RHOBTB1: variants seen among roughly 807,000 people sequenced by gnomAD.
RHOBTB1 encodes the protein Rho related BTB domain containing 1, also known as rho-related BTB domain-containing protein 1.
RHOBTB1 carries 40 observed loss-of-function variants against 71.6 expected under a neutral mutation model. The observed-to-expected ratio is 0.56, with a 90% CI of 0.43 to 0.73. The LOEUF (loss-of-function observed/expected upper bound fraction) is 0.73, where lower values mean the gene tolerates loss of function less well. RHOBTB1 is among the 30% of genes least tolerant of loss of function. The probability of loss-of-function intolerance (pLI) is 0.00; values close to 1 mark genes in which losing one functional copy is unlikely to be tolerated. For synonymous variants in RHOBTB1, 319 were observed against 334.9 expected (o/e 0.95, Z 0.52); for missense variants, 797 against 894.0 (o/e 0.89, Z 1.38).
intron 2 of RHOBTB1, among the ~76,000 whole-genome samples, chr10:60,921,810 G>C (rs1185411254): frequency 6.6e-6 from 1 of 152,164 alleles, no homozygotes; most frequent in Non-Finnish European, 1.5e-5. Flanking sequence ...GTTGGTGAGA[G>C]AAACACCTTG....
downstream of RHOBTB1, among the ~76,000 whole-genome samples, chr10:60,869,000 AC>A (rs1414078601): frequency 1.3e-5 from 2 of 152,218 alleles, no homozygotes; most frequent in African/African-American, 4.8e-5. Context: ...ACATTGTATT[AC>A]CTAGAAGTCC....
At chr10:60,909,523 C>G (rs2082859679) in intron 4 of RHOBTB1, among the ~76,000 whole-genome samples, 1 of 152,160 alleles carries the variant, frequency 6.6e-6, no homozygotes, top group South Asian at 2.1e-4. Flanking sequence ...TATCCTTACA[C>G]TGCCTAAAGT....
At chr10:60,903,093 C>A (rs1316528800) in intron 4 of RHOBTB1, among the ~76,000 whole-genome samples, 3 of 152,126 alleles carry the variant, frequency 2.0e-5, no homozygotes, top group African/African-American at 7.2e-5. Context: ...CACCTGGATT[C>A]CGAAGGTGAC....
At chr10:60,910,156 A>G (rs989328742) in intron 4 of RHOBTB1, among the ~76,000 whole-genome samples, 3 of 152,178 alleles carry the variant, frequency 2.0e-5, no homozygotes, top group Non-Finnish European at 4.4e-5. Flanking sequence ...GTAAAAAAAA[A>G]GTCTCCATTA....
chr10:61,000,858 G>C (rs1178017007), intron 1 of RHOBTB1, among the ~76,000 whole-genome samples: 2 of 152,084 alleles, frequency 1.3e-5, no homozygotes, highest in Non-Finnish European at 2.9e-5. Context: ...ACAGCCCGGG[G>C]CTTTCACGGC....
At chr10:60,973,371 T>A (rs1034032258) in intron 2 of RHOBTB1, among the ~76,000 whole-genome samples, 2 of 152,062 alleles carry the variant, frequency 1.3e-5, no homozygotes, top group African/African-American at 4.8e-5. Context: ...CAAAACAGCA[T>A]CCAAGAGAGA....
intron 2 of RHOBTB1, among the ~76,000 whole-genome samples, chr10:60,956,596 T>A (rs1589416078): frequency 6.6e-6 from 1 of 152,210 alleles, no homozygotes; most frequent in South Asian, 2.1e-4. Flanking sequence ...ATCTTCTTTA[T>A]ATCCTTATTG....
chr10:60,893,138 CT>C (rs2082003783), intron 4 of RHOBTB1, 143 bp from the exon 5 acceptor site: 1 of 660,878 alleles, frequency 1.5e-6, no homozygotes, highest in African/African-American at 1.8e-5. Flanking sequence ...TAAAAAACAT[CT>C]TGGAGTCATG....
chr10:60,947,399 TA>T (rs1004091233), upstream of RHOBTB1, among the ~76,000 whole-genome samples: 19 of 152,082 alleles, frequency 1.2e-4, no homozygotes, highest in Admixed American at 3.3e-4. Flanking sequence ...GTCATAGGAT[TA>T]AAAAAAATCC....
chr10:60,911,064 C>CA, intron 3 of RHOBTB1, 74 bp from the exon 4 acceptor site: 1 of 1,149,206 alleles, frequency 8.7e-7, no homozygotes, highest in Non-Finnish European at 1.3e-6. Context: ...TTCAAGTCAG[C>CA]ACCCTCAGTG....
intron 2 of RHOBTB1, among the ~76,000 whole-genome samples, chr10:60,914,589 G>A (rs1477431992): frequency 1.3e-5 from 2 of 152,012 alleles, no homozygotes; most frequent in Non-Finnish European, 2.9e-5. Flanking sequence ...TAGTTTTCTG[G>A]TAGGCTTGCA....
intron 1 of RHOBTB1, among the ~76,000 whole-genome samples, chr10:60,993,688 C>A (rs2893873): frequency 3.3e-5 from 5 of 151,538 alleles, no homozygotes; most frequent in African/African-American, 1.2e-4. Flanking sequence ...TTATATTGCT[C>A]TACGGTGTAT....
At chr10:60,868,359 T>C (rs1228914346), downstream of RHOBTB1, among the ~76,000 whole-genome samples, 1 of 152,148 alleles carries the variant, frequency 6.6e-6, no homozygotes, top group Non-Finnish European at 1.5e-5. Flanking sequence ...ATCCAATTCA[T>C]GGAAAGGGCG....
chr10:60,880,194 T>TGTGTGA (rs2081255656), intron 7 of RHOBTB1, among the ~76,000 whole-genome samples: 1 of 141,800 alleles, frequency 7.1e-6, no homozygotes, highest in Non-Finnish European at 1.5e-5. Flanking sequence ...TGTGTGTGTG[T>TGTGTGA]GTGTGTGTGA....
At chr10:60,880,499 G>T (rs907877782) in intron 7 of RHOBTB1, among the ~76,000 whole-genome samples, 2 of 152,028 alleles carry the variant, frequency 1.3e-5, no homozygotes, top group Non-Finnish European at 2.9e-5. Context: ...GAAATAATAA[G>T]AAATTTATCC....
chr10:60,894,154 T>C (rs2082054504), intron 4 of RHOBTB1, among the ~76,000 whole-genome samples: 1 of 152,158 alleles, frequency 6.6e-6, no homozygotes, highest in Admixed American at 6.5e-5. Context: ...GACAAACAAA[T>C]ATATGCAGGC....
intron 2 of RHOBTB1, among the ~76,000 whole-genome samples, chr10:60,936,479 T>C (rs1277378180): frequency 6.6e-6 from 1 of 152,244 alleles, no homozygotes; most frequent in African/African-American, 2.4e-5. Flanking sequence ...ATTTACCAGG[T>C]CATCACCGCC....
intron 2 of RHOBTB1, among the ~76,000 whole-genome samples, chr10:60,971,008 A>C (rs1219881399): frequency 1.3e-5 from 2 of 152,048 alleles, no homozygotes; most frequent in Admixed American, 6.6e-5. Flanking sequence ...AAAATCATAC[A>C]TATAAAGTTT....
At chr10:60,868,940 G>T (rs567799361), downstream of RHOBTB1, among the ~76,000 whole-genome samples, 6 of 152,306 alleles carry the variant, frequency 3.9e-5, no homozygotes, top group East Asian at 9.6e-4. Context: ...ACTCAGAAAA[G>T]TCCCTCAATG....
Sources: allele counts gnomAD v4.1 joint callset (sites outside exome capture counted in the v4.1 genomes callset), GRCh38; gene constraint gnomAD v4.1.1; transcripts MANE v1.5; gene names NCBI Gene and HGNC (gene_info 2026-07-23, HGNC 2026-07-21).